ELMO1: variants seen among roughly 807,000 people sequenced by gnomAD.
ELMO1 encodes the protein engulfment and cell motility 1.
ELMO1 carries 26 observed loss-of-function variants against 98.9 expected under a neutral mutation model. The observed-to-expected ratio is 0.26, with a 90% CI of 0.19 to 0.36. The LOEUF (loss-of-function observed/expected upper bound fraction) is 0.36, where lower values mean the gene tolerates loss of function less well. ELMO1 is among the 10% of genes least tolerant of loss of function. ELMO1 has a pLI of 1.00. For synonymous variants in ELMO1, 346 were observed against 346.0 expected, an observed-to-expected ratio of 1.00 and a Z score of 0.00; for missense variants, 627 against 935.2, an observed-to-expected ratio of 0.67 and a Z score of 4.30.
chr7:36,930,183 G>T (rs1785923454), intron 16 of ELMO1, among the ~76,000 whole-genome samples: 10 of 152,318 alleles, frequency 6.6e-5, no homozygotes, highest in Non-Finnish European at 1.5e-5. Context: ...GCTACTATTT[G>T]CCAGGGAATA....
chr7:36,883,147 G>A (rs9639746), intron 18 of ELMO1, among the ~76,000 whole-genome samples: 103,645 of 152,048 alleles, frequency 0.68, 35,525 homozygotes, highest in Non-Finnish European at 0.7. Context: ...TGGTAGGTAC[G>A]CATTTTGCCC....
chr7:37,035,145 C>G (rs967259160), intron 15 of ELMO1, among the ~76,000 whole-genome samples: 11 of 152,174 alleles, frequency 7.2e-5, no homozygotes, highest in Admixed American at 6.6e-4. Context: ...CCTGTTCAGG[C>G]AGATATCCTT....
chr7:37,282,224 G>A (rs1379242734), intron 4 of ELMO1, among the ~76,000 whole-genome samples: 5 of 152,168 alleles, frequency 3.3e-5, no homozygotes, highest in African/African-American at 4.8e-5. Flanking sequence ...GAAGGCTTCC[G>A]ATCCTCTGCG....
At chr7:37,129,489 AAG>A (rs1338694922) in intron 14 of ELMO1, among the ~76,000 whole-genome samples, 1 of 152,200 alleles carries the variant, frequency 6.6e-6, no homozygotes, top group African/African-American at 2.4e-5. Context: ...ACATGCATGT[AAG>A]AGTCTGGATG....
At chr7:37,123,712 A>G (rs866426812) in intron 14 of ELMO1, among the ~76,000 whole-genome samples, 10 of 152,206 alleles carry the variant, frequency 6.6e-5, no homozygotes, top group African/African-American at 2.4e-4. Flanking sequence ...AGAGGTACAA[A>G]GAGGAGCTGG....
At chr7:37,325,219 T>C (rs1461472873) in intron 2 of ELMO1, among the ~76,000 whole-genome samples, 1 of 152,252 alleles carries the variant, frequency 6.6e-6, no homozygotes, top group Non-Finnish European at 1.5e-5. Flanking sequence ...ACTTGCCGCA[T>C]CCTGCTGTTT....
At chr7:37,017,269 A>C (rs1459904388) in intron 15 of ELMO1, among the ~76,000 whole-genome samples, 1 of 152,064 alleles carries the variant, frequency 6.6e-6, no homozygotes, top group African/African-American at 2.4e-5. Context: ...AAGATATTTT[A>C]TCTTTCTCAG....
intron 13 of ELMO1, among the ~76,000 whole-genome samples, chr7:37,147,377 C>T (rs986863527): frequency 3.3e-5 from 5 of 152,130 alleles, no homozygotes; most frequent in African/African-American, 1.2e-4. Flanking sequence ...TCCATTCACC[C>T]ACCTGCTACC....
intron 15 of ELMO1, among the ~76,000 whole-genome samples, chr7:37,036,064 A>C (rs562009364): frequency 3.8e-4 from 58 of 152,204 alleles, no homozygotes; most frequent in Non-Finnish European, 7.1e-4. Flanking sequence ...TGTATATTTT[A>C]TGGTAGTGAA....
chr7:37,028,460 T>C (rs1026104675), intron 15 of ELMO1, among the ~76,000 whole-genome samples: 1 of 152,206 alleles, frequency 6.6e-6, no homozygotes, highest in Admixed American at 6.5e-5. Flanking sequence ...AATTTATCCA[T>C]GGCAGACATG....
chr7:37,290,313 C>T (rs1275183125), intron 4 of ELMO1, among the ~76,000 whole-genome samples: 1 of 152,082 alleles, frequency 6.6e-6, no homozygotes, highest in Non-Finnish European at 1.5e-5. Flanking sequence ...AGGAAAGGCT[C>T]TCAGAAAAAG....
chr7:36,994,180 T>C (rs1792048636), intron 16 of ELMO1, among the ~76,000 whole-genome samples: 1 of 152,230 alleles, frequency 6.6e-6, no homozygotes, highest in African/African-American at 2.4e-5. Flanking sequence ...GTTCCATTTA[T>C]TACATTTTCT....
intron 15 of ELMO1, 173 bp from the exon 16 acceptor site, chr7:37,013,608 C>G (rs1167245014): frequency 1.4e-6 from 1 of 723,002 alleles, no homozygotes; most frequent in Admixed American, 3.0e-5. Flanking sequence ...CCATACAACT[C>G]GGAAGTTTAA....
At chr7:36,866,192 A>AT (rs1803020785) in intron 20 of ELMO1, among the ~76,000 whole-genome samples, 2 of 152,202 alleles carry the variant, frequency 1.3e-5, no homozygotes, top group Non-Finnish European at 2.9e-5. Context: ...AAATCAGCTT[A>AT]TTTTTATAAA....
At chr7:37,245,814 G>T (rs1285289697) in intron 6 of ELMO1, among the ~76,000 whole-genome samples, 3 of 152,012 alleles carry the variant, frequency 2.0e-5, no homozygotes, top group Non-Finnish European at 4.4e-5. Flanking sequence ...AAAACATAAC[G>T]CAATACAGGT....
intron 16 of ELMO1, among the ~76,000 whole-genome samples, chr7:36,962,904 G>T (rs1789081772): frequency 6.6e-6 from 1 of 152,072 alleles, no homozygotes. Flanking sequence ...AAGAAAATTG[G>T]AAAAGTATTA....
Position 37,197,729 on chromosome 7 carries a change from G to C in ELMO1, c.1086+13657C>G, listed in dbSNP as rs150823409. On this transcript the variant is annotated intron_variant, in intron 13 of 21. Transcript: ENST00000310758. ...TCTTGCCTGCACCCCAGAATAACCA[G>C]CATGATTCTCAGGGGTGCTTTGATA... Among the ~76,000 whole-genome samples the C allele has an allele frequency of 2.4e-3, 372 of 152,256 alleles. 1 individual carries two copies. Among genetic ancestry groups the C allele is most frequent in the African/African-American group, 8.7e-3 (362 of 41,558 alleles).
At chr7:36,861,475 G>A (rs538947643) in intron 21 of ELMO1, among the ~76,000 whole-genome samples, 184 bp downstream of exon 21, 1 of 152,102 alleles carries the variant, frequency 6.6e-6, no homozygotes, top group South Asian at 2.1e-4. Flanking sequence ...AAGCTACTAA[G>A]AAGTTGAATC....
At chr7:36,913,109 CACA>C (rs1784450569) in intron 16 of ELMO1, among the ~76,000 whole-genome samples, 1 of 152,166 alleles carries the variant, frequency 6.6e-6, no homozygotes, top group African/African-American at 2.4e-5. Context: ...GTGGAGCATG[CACA>C]ACATGAAATT....
Sources: gnomAD v4.1 joint callset for allele counts (sites outside exome capture counted in the v4.1 genomes callset) on GRCh38, gnomAD v4.1.1 for gene constraint, MANE v1.5 for transcripts, NCBI Gene and HGNC (gene_info 2026-07-23, HGNC 2026-07-21) for gene names.